ZPLD1: variants seen among roughly 807,000 people sequenced by gnomAD.
ZPLD1 encodes zona pellucida-like domain-containing protein 1.
A neutral mutation model predicts 47.2 loss-of-function variants in ZPLD1; 34 were observed. The observed-to-expected ratio is 0.72, with a 90% CI of 0.55 to 0.96. The LOEUF is 0.96. ZPLD1 is among the 40% of genes least tolerant of loss of function. The pLI is 0.00. For synonymous variants in ZPLD1, 176 were observed against 186.2 expected, an observed-to-expected ratio of 0.95 and a Z score of 0.45; for missense variants, 512 against 505.8, an observed-to-expected ratio of 1.01 and a Z score of -0.12.
chr3:102,408,896 G>C (rs1706721160), intron 7 of ZPLD1, among the ~76,000 whole-genome samples: 1 of 151,752 alleles, frequency 6.6e-6, no homozygotes, highest in Non-Finnish European at 1.5e-5. Context: ...AAACAAATGT[G>C]ATAGCATAGT....
chr3:102,460,993 A>T (rs1271047834), intron 6 of ZPLD1, among the ~76,000 whole-genome samples: 3 of 152,084 alleles, frequency 2.0e-5, no homozygotes, highest in East Asian at 3.9e-4. Flanking sequence ...AAATATAGAA[A>T]ACAAAAGACT....
chr3:102,478,790 A>G lies in ZPLD1; in HGVS notation c.*1172A>G, dbSNP rs547962948. 1.1e-4 allele frequency: 17 copies of G among 152,324 alleles called. No homozygotes were observed. The East Asian group carries it at 3.3e-3, about 29-fold the overall frequency. The allele number at this position is 152,324 out of a possible 1,614,324, so 9.4% of individuals were successfully genotyped here. On this transcript the variant is annotated 3_prime_UTR_variant, in exon 12 of 12. Transcript: ENST00000466937. ...CCATGTTCTTACAAAAAAAATCAACATTCTCTTTGTTTAAGCTACCTATGC... is the reference window on the plus strand; with the variant it reads ...CCATGTTCTTACAAAAAAAATCAACGTTCTCTTTGTTTAAGCTACCTATGC...
intron 2 of ZPLD1, among the ~76,000 whole-genome samples, chr3:102,437,881 T>C (rs554701566): frequency 5.6e-4 from 86 of 152,376 alleles, no homozygotes; most frequent in African/African-American, 1.9e-3. Context: ...AGTATTTTCC[T>C]GTTCTTCCTT....
chr3:102,462,397 C>G lies in ZPLD1; in HGVS notation c.680+19C>G, dbSNP rs779102673. 1 of 1,556,298 alleles carries G rather than the reference C, an allele frequency of 6.4e-7. No individual in the cohort carries two copies. Among genetic ancestry groups the G allele is most frequent in the East Asian group, 2.3e-5 (1 of 44,158 alleles). ...ATGGCAGGTAATTTCAAACTCTTGT[C>G]TTTTTTAGGTTAAAACTCTTTGACT... On this transcript the variant is annotated intron_variant, in intron 7 of 11. Transcript: ENST00000466937.
At chr3:102,397,802 C>A (rs1706574992) in intron 7 of ZPLD1, among the ~76,000 whole-genome samples, 2 of 152,138 alleles carry the variant, frequency 1.3e-5, no homozygotes, top group Non-Finnish European at 2.9e-5. Flanking sequence ...AATGAAGGAT[C>A]TTACGTGACT....
At chr3:102,425,995 A>G (rs1013126726) in intron 8 of ZPLD1, among the ~76,000 whole-genome samples, 11 of 151,892 alleles carry the variant, frequency 7.2e-5, no homozygotes, top group Admixed American at 7.2e-4. Flanking sequence ...TCAAGATACC[A>G]CAGAATAAAT....
At chr3:102,433,209 G>C (rs980352365), upstream of ZPLD1, among the ~76,000 whole-genome samples, 2 of 152,132 alleles carry the variant, frequency 1.3e-5, no homozygotes, top group Non-Finnish European at 2.9e-5. Context: ...AATTTACCAA[G>C]AAATTGCCAA....
intron 7 of ZPLD1, among the ~76,000 whole-genome samples, chr3:102,413,222 C>CTTTTTT (rs992302540): frequency 6.6e-6 from 1 of 151,716 alleles, no homozygotes; most frequent in Non-Finnish European, 1.5e-5. Context: ...TTTAAAAAGA[C>CTTTTTT]TATTTTTTTA....
intron 8 of ZPLD1, among the ~76,000 whole-genome samples, chr3:102,423,680 C>A (rs528699480): frequency 4.6e-5 from 7 of 152,100 alleles, no homozygotes; most frequent in Non-Finnish European, 8.8e-5. Context: ...CAAGAGGGAC[C>A]TCGACTATGA....
At chr3:102,472,136 C>G (rs1031611172) in intron 10 of ZPLD1, among the ~76,000 whole-genome samples, 10 of 152,270 alleles carry the variant, frequency 6.6e-5, no homozygotes, top group Non-Finnish European at 1.3e-4. Context: ...TAAAAACAAA[C>G]TAATAGGCCC....
chr3:102,411,072 G>A (rs555442544), intron 7 of ZPLD1, among the ~76,000 whole-genome samples: 7 of 151,808 alleles, frequency 4.6e-5, no homozygotes, highest in African/African-American at 1.4e-4. Flanking sequence ...TCTTTTAGTG[G>A]CCTTAATATC....
At chr3:102,400,336 T>G (rs981188210) in intron 7 of ZPLD1, among the ~76,000 whole-genome samples, 14 of 152,060 alleles carry the variant, frequency 9.2e-5, no homozygotes, top group African/African-American at 3.4e-4. Context: ...ACACAGTCTC[T>G]CACATTTCCT....
intron 4 of ZPLD1, among the ~76,000 whole-genome samples, chr3:102,454,337 G>A (rs912915813): frequency 1.3e-4 from 20 of 152,128 alleles, no homozygotes; most frequent in African/African-American, 4.3e-4. Context: ...GGAGAGTGAT[G>A]CAGGTTGATT....
intron 7 of ZPLD1, among the ~76,000 whole-genome samples, chr3:102,412,160 C>T (rs1706753462): frequency 6.6e-6 from 1 of 151,742 alleles, no homozygotes; most frequent in African/African-American, 2.4e-5. Flanking sequence ...ATCTGCTTCA[C>T]TCAAAGTCTA....
intron 8 of ZPLD1, among the ~76,000 whole-genome samples, chr3:102,425,734 G>A (rs79677420): frequency 0.091 from 13,751 of 151,724 alleles, 824 homozygotes; most frequent in Middle Eastern, 0.14. Flanking sequence ...ATCTCATCCG[G>A]GACACAAAAG....
intron 5 of ZPLD1, among the ~76,000 whole-genome samples, 161 bp from the exon 6 acceptor site, chr3:102,457,620 G>T (rs1181788890): frequency 6.6e-6 from 1 of 152,116 alleles, no homozygotes; most frequent in Non-Finnish European, 1.5e-5. Context: ...TGCTTTTTTA[G>T]TATTTTATCT....
At chr3:102,436,002 T>A (rs182832225) in intron 1 of ZPLD1, among the ~76,000 whole-genome samples, 1 of 152,240 alleles carries the variant, frequency 6.6e-6, no homozygotes, top group Non-Finnish European at 1.5e-5. Flanking sequence ...TATCTGAATC[T>A]ATACCTGCTA....
intron 7 of ZPLD1, among the ~76,000 whole-genome samples, chr3:102,406,398 A>T (rs933813384): frequency 2.6e-5 from 4 of 151,874 alleles, no homozygotes; most frequent in African/African-American, 9.7e-5. Flanking sequence ...GTTTACCAGG[A>T]TTTCACCCTT....
chr3:102,440,883 T>G (rs1187616697), intron 3 of ZPLD1, among the ~76,000 whole-genome samples: 1 of 151,782 alleles, frequency 6.6e-6, no homozygotes, highest in Non-Finnish European at 1.5e-5. Context: ...AAATGGAAAT[T>G]CAAATAAAGA....
Sources: gnomAD v4.1 joint callset for allele counts (sites outside exome capture counted in the v4.1 genomes callset) on GRCh38, gnomAD v4.1.1 for gene constraint, MANE v1.5 for transcripts, NCBI Gene and HGNC (gene_info 2026-07-23, HGNC 2026-07-21) for gene names.